The following MEAF6 variants were observed in gnomAD, a reference collection of about 807,000 sequenced individuals.
MEAF6 encodes MYST/Esa1 associated factor 6.
Under a neutral mutation model 28.9 loss-of-function variants are expected in MEAF6, and 15 were observed. The observed-to-expected ratio is 0.52, with a 90% CI of 0.35 to 0.80. The LOEUF (loss-of-function observed/expected upper bound fraction) is 0.80. MEAF6 is among the 30% of genes least tolerant of loss of function. MEAF6 has a pLI of 0.01. For synonymous variants in MEAF6, 97 were observed against 88.7 expected, an observed-to-expected ratio of 1.09 and a Z score of -0.53; for missense variants, 178 against 237.5, an observed-to-expected ratio of 0.75 and a Z score of 1.65.
In MEAF6 at chr1:37,513,425, T is replaced by C. The variant is rs780544682; in HGVS notation, c.204A>G (p.Gln68=). 3 of 1,612,558 alleles carry C rather than the reference T, an allele frequency of 1.9e-6. No individual in the cohort carries two copies. Among genetic ancestry groups the C allele is most frequent in the Non-Finnish European group, 1.7e-6 (2 of 1,178,584 alleles). Reference sequence around the variant, plus strand: ...CACTACAGGCTTTCGACACTCACTTTTGGTTGGTCAGATACCGATCCCAGC... The same window carrying C: ...CACTACAGGCTTTCGACACTCACTTCTGGTTGGTCAGATACCGATCCCAGC... ...IRGWDRYLTN[Q]KNSNSKNDRR... The change falls in exon 2 of 7, where the codon CAA becomes CAG. Residue 68 remains glutamine, a splice_region_variant and synonymous_variant. Coordinates refer to ENST00000296214, the MANE Select transcript of MEAF6 (RefSeq NM_001270875.3).
intron 4 of MEAF6, among the ~76,000 whole-genome samples, chr1:37,502,349 C>T (rs1642336361): frequency 1.3e-5 from 2 of 151,826 alleles, no homozygotes; most frequent in East Asian, 2.0e-4. Context: ...GCACTGGGAT[C>T]ACAGGCATGA....
rs893144940 is a variant in MEAF6 at position 37,492,802 on chromosome 1, A to G, written c.*1297T>C. 1 of 152,660 alleles carries G rather than the reference A, an allele frequency of 6.6e-6. No homozygotes were observed. Among genetic ancestry groups the G allele is most frequent in the African/African-American group, 2.4e-5 (1 of 41,578 alleles). The allele number at this position is 152,660 out of a possible 1,614,324, so 9.5% of individuals were successfully genotyped here. Reference sequence around the variant, plus strand: ...TCTTATCCCTTAGACCAATCATAACATAGGATGTAAATTAAACCATTCAGT... The same window carrying G: ...TCTTATCCCTTAGACCAATCATAACGTAGGATGTAAATTAAACCATTCAGT... On this transcript the variant is annotated 3_prime_UTR_variant, in exon 7 of 7. Transcript: ENST00000296214.
chr1:37,511,446 AC>A (rs1642668098), intron 2 of MEAF6, among the ~76,000 whole-genome samples: 1 of 152,268 alleles, frequency 6.6e-6, no homozygotes, highest in African/African-American at 2.4e-5. Flanking sequence ...AACGGTGTAT[AC>A]TAAACAACTG....
rs531966512 is a variant in MEAF6 at position 37,509,680 on chromosome 1, G to A, written c.207-138C>T. On this transcript the variant is annotated intron_variant, in intron 2 of 6. Transcript: ENST00000296214. ...CCAAACGACCTTTATGCTGAACACA[G>A]AAAGCAACGTTTTCCAATATATGGT... is the stretch of plus-strand genomic sequence containing the variant. 2.0e-4 allele frequency: 122 copies of A among 624,980 alleles called. 2 individuals are homozygous for A. In the South Asian group the frequency reaches 2.8e-3, roughly 14 times the overall value. 38.7% of individuals were successfully genotyped at this position (624,980 alleles called of 1,614,324 possible). A position where few individuals can be genotyped will look rare whatever the true frequency, so the allele number is the denominator to read the frequency against.
chr1:37,499,156 A>G (rs1018300723), intron 5 of MEAF6, among the ~76,000 whole-genome samples: 3 of 152,108 alleles, frequency 2.0e-5, no homozygotes, highest in Non-Finnish European at 4.4e-5. Context: ...GTTTCAAGAA[A>G]AAAAAAAATT....
At chr1:37,504,856 G>T (rs1642431768) in intron 4 of MEAF6, among the ~76,000 whole-genome samples, 1 of 148,208 alleles carries the variant, frequency 6.7e-6, no homozygotes, top group Non-Finnish European at 1.5e-5. Context: ...TGTCAAAAAA[G>T]GTCATGTGGT....
chr1:37,498,170 A>G (rs1238391496), intron 5 of MEAF6, among the ~76,000 whole-genome samples: 1 of 152,220 alleles, frequency 6.6e-6, no homozygotes, highest in Non-Finnish European at 1.5e-5. Flanking sequence ...AATGTTTGCA[A>G]GAGTAAAGCT....
chr1:37,498,402 GTTATTTTTTA>G (rs1642188466), intron 5 of MEAF6, among the ~76,000 whole-genome samples: 1 of 139,624 alleles, frequency 7.2e-6, no homozygotes, highest in Non-Finnish European at 1.5e-5. Flanking sequence ...GAGTAGCTAT[GTTATTTTTTA>G]TTATTATTAT....
Position 37,494,114 on chromosome 1 carries a change from A to G in MEAF6, c.568-7T>C. On this transcript the variant is annotated splice_region_variant and splice_polypyrimidine_tract_variant and intron_variant, in intron 6 of 6. Coordinates refer to ENST00000296214, the MANE Select transcript of MEAF6 (RefSeq NM_001270875.3). ...AATGTGTCTTCTAATAGTCCTAAAG[A>G]AAGAAAAACAAAAGTCCCAACTTAC... The G allele has an allele frequency of 6.2e-7, 1 of 1,611,666 alleles. No individual in the cohort carries two copies. Among genetic ancestry groups the G allele is most frequent in the Non-Finnish European group, 8.5e-7 (1 of 1,178,626 alleles).
chr1:37,511,909 G>A (rs955362690), intron 2 of MEAF6, among the ~76,000 whole-genome samples: 1 of 152,176 alleles, frequency 6.6e-6, no homozygotes, highest in African/African-American at 2.4e-5. Flanking sequence ...GACAATTGAG[G>A]AAATTTTAAT....
chr1:37,514,105 C>G (rs1642755698), intron 1 of MEAF6: 1 of 163,230 alleles, frequency 6.1e-6, no homozygotes, highest in Non-Finnish European at 1.3e-5. Flanking sequence ...ATTCTGAATT[C>G]TCCGGAATGT....
At chr1:37,508,266 G>A (rs186890276) in intron 4 of MEAF6, among the ~76,000 whole-genome samples, 73 of 145,458 alleles carry the variant, frequency 5.0e-4, no homozygotes, top group African/African-American at 1.5e-3. Flanking sequence ...TTTACAGGAT[G>A]AGCATTTCTT....
intron 1 of MEAF6, 59 bp from the exon 2 acceptor site, chr1:37,513,597 G>T: frequency 7.5e-7 from 1 of 1,333,646 alleles, no homozygotes; most frequent in Non-Finnish European, 1.1e-6. Context: ...ACTTAAGTCT[G>T]GCCAAAATGA....
intron 2 of MEAF6, among the ~76,000 whole-genome samples, chr1:37,511,084 CT>C (rs1281104386): frequency 2.0e-5 from 3 of 152,252 alleles, no homozygotes; most frequent in African/African-American, 7.2e-5. Context: ...TATGAAGTGT[CT>C]CTTAAATAAA....
At position 37,493,422 on chromosome 1, in the gene MEAF6, C is replaced by T. The variant is rs2148057297; in HGVS notation, c.*677G>A. ...CTGTTCCTTGAACATGAATCTACTA[C>T]CAACTCAGAAAGATTTAAGATAGGT... On this transcript the variant is annotated 3_prime_UTR_variant, in exon 7 of 7. Transcript: ENST00000296214. The T allele has an allele frequency of 1.9e-5, 5 of 263,534 alleles. No individual in the cohort carries two copies. Among genetic ancestry groups the T allele is most frequent in the Middle Eastern group, 1.1e-3 (1 of 928 alleles). 16.3% of individuals were successfully genotyped at this position (263,534 alleles called of 1,614,324 possible). A position where few individuals can be genotyped will look rare whatever the true frequency, so the allele number is the denominator to read the frequency against.
chr1:37,504,492 C>T (rs1013161389), intron 4 of MEAF6, among the ~76,000 whole-genome samples: 10 of 151,876 alleles, frequency 6.6e-5, no homozygotes, highest in African/African-American at 2.4e-4. Flanking sequence ...ATTATCTGGC[C>T]GAGCACAGTG....
At chr1:37,494,794 G>A (rs1370590665) in intron 6 of MEAF6, among the ~76,000 whole-genome samples, 2 of 151,880 alleles carry the variant, frequency 1.3e-5, no homozygotes, top group Non-Finnish European at 2.9e-5. Flanking sequence ...TCACACCATT[G>A]CACTCTAGCC....
rs1211036094 is a variant in MEAF6, at chr1:37,495,866, TG to T, written c.567+18del. ...TACAAAATTGCCAGCCTCTCTGAAG[TG>T]GTCCGGCTGATACTTACAGCTCGTG... is the stretch of plus-strand genomic sequence containing the variant. On this transcript the variant is annotated intron_variant, in intron 6 of 6. Transcript: ENST00000296214. The T allele has an allele frequency of 6.2e-7, 1 of 1,613,684 alleles. No individual in the cohort carries two copies. Among genetic ancestry groups the T allele is most frequent in the South Asian group, 1.1e-5 (1 of 91,066 alleles).
chr1:37,500,870 G>T (rs556608738), intron 5 of MEAF6: 25 of 154,070 alleles, frequency 1.6e-4, no homozygotes, highest in South Asian at 1.4e-3. Flanking sequence ...TGCTCAGCAC[G>T]CAGTCTTCCA....
Sources: gnomAD v4.1 joint callset for allele counts (sites outside exome capture counted in the v4.1 genomes callset) on GRCh38, gnomAD v4.1.1 for gene constraint, MANE v1.5 for transcripts, NCBI Gene and HGNC (gene_info 2026-07-23, HGNC 2026-07-21) for gene names.